Variants in ITGB3BP observed in about 807,000 individuals in gnomAD.
ITGB3BP encodes the protein centromere protein R.
In ITGB3BP, 27 loss-of-function variants were observed where a neutral mutation model predicts 29.1. That is an observed-to-expected ratio of 0.93 (90% confidence interval 0.68 to 1.28). The LOEUF is 1.28. Ranked by LOEUF, ITGB3BP falls within the 50% of genes most tolerant of loss-of-function variation. The probability of loss-of-function intolerance (pLI) is 0.00; values close to 1 mark genes in which losing one functional copy is unlikely to be tolerated. For missense variants in ITGB3BP, 192 were observed against 200.2 expected, an observed-to-expected ratio of 0.96 and a Z score of 0.25; for synonymous variants, 61 against 61.4, an observed-to-expected ratio of 0.99 and a Z score of 0.03.
At chr1:63,477,233 T>C (rs1402593250) in intron 4 of ITGB3BP, among the ~76,000 whole-genome samples, 2 of 152,244 alleles carry the variant, frequency 1.3e-5, no homozygotes, top group Non-Finnish European at 2.9e-5. Flanking sequence ...TCTGGACTAC[T>C]ACCAAAACTA....
At chr1:63,485,948 T>C (rs1284427550) in intron 3 of ITGB3BP, among the ~76,000 whole-genome samples, 1 of 152,042 alleles carries the variant, frequency 6.6e-6, no homozygotes, top group Admixed American at 6.6e-5. Context: ...GCTACTCTAA[T>C]TTGCAAATTC....
intron 8 of ITGB3BP, 119 bp downstream of exon 8, chr1:63,446,687 C>T (rs1644794825): frequency 1.4e-6 from 1 of 724,040 alleles, no homozygotes; most frequent in Admixed American, 2.4e-5. Context: ...AAAGCTATAT[C>T]CCTATTTTCT....
rs561268214 is a variant in ITGB3BP at position 63,469,677 on chromosome 1, A to T, written c.254+9087T>A. Among the ~76,000 whole-genome samples, 10 of 152,320 alleles carry T rather than the reference A, an allele frequency of 6.6e-5. No homozygotes were observed. In the South Asian group the frequency reaches 2.1e-3, roughly 32 times the overall value. On this transcript the variant is annotated intron_variant, in intron 4 of 8. Coordinates refer to ENST00000271002, the MANE Select transcript of ITGB3BP (RefSeq NM_014288.5). ...ACTTATGGGCATATCTAAAGATACA[A>T]ATGTCCTATAGAACACAGTTTGGAA...
At chr1:63,524,588 A>G (rs1302158719), upstream of ITGB3BP, among the ~76,000 whole-genome samples, 1 of 152,192 alleles carries the variant, frequency 6.6e-6, no homozygotes, top group Non-Finnish European at 1.5e-5. Flanking sequence ...GAAATATTCA[A>G]TTTATTAGGT....
intron 2 of ITGB3BP, among the ~76,000 whole-genome samples, chr1:63,501,184 A>G (rs1163656433): frequency 6.6e-6 from 1 of 152,226 alleles, no homozygotes; most frequent in African/African-American, 2.4e-5. Flanking sequence ...ACCATGTACA[A>G]AAATTAACTC....
At chr1:63,521,441 T>G (rs1030736689) in intron 1 of ITGB3BP, among the ~76,000 whole-genome samples, 1 of 152,158 alleles carries the variant, frequency 6.6e-6, no homozygotes, top group Non-Finnish European at 1.5e-5. Context: ...GATGTTAACC[T>G]CAACTTTAAG....
intron 4 of ITGB3BP, chr1:63,458,073 C>G (rs1465891415): frequency 6.6e-6 from 1 of 152,088 alleles, no homozygotes; most frequent in African/African-American, 2.4e-5. Context: ...CTCTCACATT[C>G]CTCAAAGAAA....
intron 2 of ITGB3BP, among the ~76,000 whole-genome samples, chr1:63,505,301 A>G (rs1261868980): frequency 6.6e-6 from 1 of 152,078 alleles, no homozygotes; most frequent in Admixed American, 6.5e-5. Context: ...ATTTGCGTAG[A>G]GGTGTTTATA....
At chr1:63,493,449 CAAA>C (rs770368298) in intron 2 of ITGB3BP, among the ~76,000 whole-genome samples, 3,065 of 151,748 alleles carry the variant, frequency 0.02, 36 homozygotes, top group Non-Finnish European at 0.026. Context: ...AACAAACAAA[CAAA>C]CAAACCTGCT....
rs577456449 is a variant in ITGB3BP at position 63,517,120 on chromosome 1, T to C, written c.5+6009A>G. On this transcript the variant is annotated intron_variant, in intron 1 of 8. Transcript: ENST00000271002. ...AAGATAAAGATAATACCAAATACTA[T>C]TATACAAGTTTTCATCCACTTAACT... 5.9e-5 allele frequency among the ~76,000 whole-genome samples: 9 copies of C among 152,232 alleles called. No individual in the cohort carries two copies. In the East Asian group the frequency reaches 1.5e-3, roughly 26 times the overall value.
chr1:63,484,958 A>T (rs1423111934), intron 3 of ITGB3BP, among the ~76,000 whole-genome samples: 3 of 151,944 alleles, frequency 2.0e-5, no homozygotes, highest in Non-Finnish European at 4.4e-5. Context: ...CTCTTATGTA[A>T]AGAGCCTCAT....
intron 8 of ITGB3BP, among the ~76,000 whole-genome samples, chr1:63,446,356 G>A (rs1644790705): frequency 6.6e-6 from 1 of 152,102 alleles, no homozygotes; most frequent in South Asian, 2.1e-4. Context: ...CTGAAGGCAA[G>A]GTATAACTAA....
At chr1:63,465,213 G>T (rs1645079063) in intron 4 of ITGB3BP, among the ~76,000 whole-genome samples, 1 of 152,168 alleles carries the variant, frequency 6.6e-6, no homozygotes. Flanking sequence ...ACCTATGTAT[G>T]TGTGTGCACA....
chr1:63,441,610 C>T (rs1557602335), intron 8 of ITGB3BP, among the ~76,000 whole-genome samples: 1 of 151,976 alleles, frequency 6.6e-6, no homozygotes, highest in Non-Finnish European at 1.5e-5. Context: ...TATTCTTTAC[C>T]TTATGTGACC....
chr1:63,441,072 G>A lies in ITGB3BP; in HGVS notation c.*33C>T, dbSNP rs539604801. ...TATGATCAGGCAGATGCAGAAGTTGGTGCTCATGGTGAGTGCATTTCTTCT... is the reference window on the plus strand; with the variant it reads ...TATGATCAGGCAGATGCAGAAGTTGATGCTCATGGTGAGTGCATTTCTTCT... On this transcript the variant is annotated 3_prime_UTR_variant, in exon 9 of 9. Transcript: ENST00000271002. 29 of 152,656 alleles carry A rather than the reference G, an allele frequency of 1.9e-4. No homozygotes were observed. The highest frequency in any genetic ancestry group is 6.7e-4 in the African/African-American group (28 of 41,562). The allele number at this position is 152,656 out of a possible 1,614,324, so 9.5% of individuals were successfully genotyped here.
At chr1:63,515,627 A>G (rs754159687) in intron 1 of ITGB3BP, among the ~76,000 whole-genome samples, 3 of 151,910 alleles carry the variant, frequency 2.0e-5, no homozygotes, top group Non-Finnish European at 2.9e-5. Flanking sequence ...GGAGTTCAAG[A>G]CCAGCCTGAT....
At chr1:63,485,827 A>C (rs1486823718) in intron 3 of ITGB3BP, among the ~76,000 whole-genome samples, 3 of 152,016 alleles carry the variant, frequency 2.0e-5, no homozygotes, top group East Asian at 3.9e-4. Context: ...TGTAGGTACT[A>C]TCTTTTCTCT....
At chr1:63,484,446 T>C (rs1263761126) in intron 3 of ITGB3BP, among the ~76,000 whole-genome samples, 2 of 152,112 alleles carry the variant, frequency 1.3e-5, no homozygotes, top group Non-Finnish European at 2.9e-5. Context: ...GCTGACATGT[T>C]TTCATTATCA....
upstream of ITGB3BP, chr1:63,523,441 C>A: frequency 4.3e-6 from 2 of 464,000 alleles, no homozygotes; most frequent in Non-Finnish European, 7.9e-6. Context: ...TGTCTCTGTG[C>A]GCTCCGGATC....
Sources: allele counts gnomAD v4.1 joint callset (sites outside exome capture counted in the v4.1 genomes callset), GRCh38; gene constraint gnomAD v4.1.1; transcripts MANE v1.5; gene names NCBI Gene and HGNC (gene_info 2026-07-23, HGNC 2026-07-21).